Variants in ZMYND15 observed in about 807,000 individuals in gnomAD.
ZMYND15 encodes zinc finger MYND domain-containing protein 15.
Under a neutral mutation model 81.7 loss-of-function variants are expected in ZMYND15, and 54 were observed. The observed-to-expected ratio is 0.66, with a 90% CI of 0.53 to 0.83. ZMYND15 has a LOEUF of 0.83. ZMYND15 is among the 40% of genes least tolerant of loss of function. The probability of loss-of-function intolerance (pLI) is 0.00; values close to 1 mark genes in which losing one functional copy is unlikely to be tolerated. For synonymous variants in ZMYND15, 399 were observed against 387.0 expected (o/e 1.03, Z -0.36); for missense variants, 925 against 973.5 (o/e 0.95, Z 0.66).
At position 4,743,263 on chromosome 17, in the gene ZMYND15, CT is replaced by C. The variant is rs1916508156; in HGVS notation, c.1145-39del. On this transcript the variant is annotated intron_variant, in intron 5 of 13. Transcript: ENST00000433935. The surrounding 1 kb of genome is among the most constrained non-coding windows in gnomAD (Gnocchi z 4.3). The stretch of plus-strand genomic sequence containing the variant: ...CAAAAAAAAAAAAATGTCTGGGGTT[CT>C]AGCCCAGCACCTCAACTCCTCCCCT... 6.4e-7 allele frequency: 1 copy of C among 1,573,462 alleles called. No individual in the cohort carries two copies. The highest frequency in any genetic ancestry group is 8.6e-7 in the Non-Finnish European group (1 of 1,162,370).
In ZMYND15 at chr17:4,743,461, T is replaced by G. The variant is rs1227619357; in HGVS notation, c.1297+6T>G. ...CCTCAGCCTTCTTCGCGGTGGTGCG[T>G]GGGGTCTCTCCAGGCATGGGCCCCT... On this transcript the variant is annotated splice_donor_region_variant and intron_variant, in intron 6 of 13. Coordinates refer to ENST00000433935, the MANE Select transcript of ZMYND15 (RefSeq NM_001136046.3). This position sits in a 1 kb window ranked among gnomAD's most constrained non-coding sequence, Gnocchi z 4.3. 1 of 1,613,736 alleles carries G rather than the reference T, an allele frequency of 6.2e-7. No homozygotes were observed.
chr17:4,744,929 G>A lies in ZMYND15; in HGVS notation c.1896+1G>A. 6.2e-7 allele frequency: 1 copy of A among 1,614,094 alleles called. No individual in the cohort carries two copies. The highest frequency in any genetic ancestry group is 8.5e-7 in the Non-Finnish European group (1 of 1,180,000). ...GCTGAGGTCTCTGCCCCGGTTACAGGTGGGCAATGGGGGCAAAAGGGAACT... is the reference window on the plus strand; with the variant it reads ...GCTGAGGTCTCTGCCCCGGTTACAGATGGGCAATGGGGGCAAAAGGGAACT... On this transcript the variant is annotated splice_donor_variant, in intron 12 of 13. Coordinates refer to ENST00000433935, the MANE Select transcript of ZMYND15 (RefSeq NM_001136046.3). LOFTEE classifies it high-confidence loss of function. The surrounding 1 kb of genome is among the most constrained non-coding windows in gnomAD (Gnocchi z 4.1).
Position 4,740,736 on chromosome 17 carries a change from C to T in ZMYND15, c.188C>T (p.Pro63Leu), listed in dbSNP as rs1385453918. The T allele has an allele frequency of 1.2e-6, 2 of 1,609,296 alleles. No individual in the cohort carries two copies. Among genetic ancestry groups the T allele is most frequent in the African/African-American group, 1.3e-5 (1 of 74,822 alleles). ...DPALWVLHVL[P>L]NHSVGISLGQ... is the part of the protein sequence containing the mutation. ...GCCCTTTGGGTGCTCCATGTCCTGC[C>T]CAACCATAGTGTGGGCATCAGCCTG... Residue 63 changes from proline to leucine, a missense_variant, in exon 2 of 14, where the codon CCC becomes CTC. Physicochemically the swap from Pro to Leu is moderately conservative, Grantham distance 98. Transcript: ENST00000433935.
At chr17:4,741,200 C>T in intron 2 of ZMYND15, 60 bp downstream of exon 2, 1 of 1,379,860 alleles carries the variant, frequency 7.2e-7, no homozygotes, top group Non-Finnish European at 9.4e-7. Context: ...CTTCGGAAGC[C>T]CTCCCCTGCC....
chr17:4,740,024 AC>A lies in ZMYND15; in HGVS notation c.-55del. On this transcript the variant is annotated 5_prime_UTR_variant, in exon 1 of 14. Coordinates refer to ENST00000433935, the MANE Select transcript of ZMYND15 (RefSeq NM_001136046.3). ...GCGCACCCTCCACCGCGAGGTATTTACCTTCGAAAAGTGGTGGCGGCTGCAG... is the reference window on the plus strand; with the variant it reads ...GCGCACCCTCCACCGCGAGGTATTTACTTCGAAAAGTGGTGGCGGCTGCAG... The A allele has an allele frequency of 2.0e-6, 2 of 985,356 alleles. No individual in the cohort carries two copies. Among genetic ancestry groups the A allele is most frequent in the Non-Finnish European group, 2.4e-6 (2 of 829,996 alleles). 61.0% of individuals were successfully genotyped at this position (985,356 alleles called of 1,614,324 possible).
In ZMYND15 at chr17:4,745,984, G is replaced by T. The variant is rs534229425; in HGVS notation, c.2223G>T (p.Arg741=). 3 of 1,441,934 alleles carry T rather than the reference G, an allele frequency of 2.1e-6. No individual in the cohort carries two copies. Among genetic ancestry groups the T allele is most frequent in the East Asian group, 5.6e-5 (2 of 35,664 alleles). The allele number at this position is 1,441,934 out of a possible 1,614,324, so 89.3% of individuals were successfully genotyped here. Reference sequence around the variant, plus strand: ...AACCTGGGCGGGGGGCCCGCCGGCGGAAATGAATGCTGATACCCTAGTAGT... The same window carrying T: ...AACCTGGGCGGGGGGCCCGCCGGCGTAAATGAATGCTGATACCCTAGTAGT... ...EKKPGRGARR[R]K The change falls in exon 14 of 14, where the codon CGG becomes CGT. Residue 741 remains arginine (R), a synonymous_variant. Transcript: ENST00000433935. The surrounding 1 kb of genome is among the most constrained non-coding windows in gnomAD (Gnocchi z 5.2).
rs200289670 is a variant in ZMYND15, at chr17:4,744,744, C to G, written c.1803C>G (p.His601Gln). The G allele has an allele frequency of 5.2e-5, 84 of 1,614,176 alleles. No homozygotes were observed. The Admixed American group carries it at 1.4e-3, about 27-fold the overall frequency. The change falls in exon 11 of 14, where the codon CAC becomes CAG. Residue 601 changes from histidine (H) to glutamine (Q), a missense_variant. Transcript: ENST00000433935. This position sits in a 1 kb window ranked among gnomAD's most constrained non-coding sequence, Gnocchi z 4.1. ...TCAAGGTGTCAGCAAGGCCCTACCA[C>G]CTGTTCCAGGGGCCCAAGCCTGACC... The part of the protein sequence containing the change: ...LQIKVSARPY[H>Q]LFQGPKPDLV...
chr17:4,740,885 G>A lies in ZMYND15; in HGVS notation c.337G>A (p.Glu113Lys). 6.3e-7 allele frequency: 1 copy of A among 1,579,384 alleles called. No individual in the cohort carries two copies. Residue 113 changes from glutamate (E) to lysine (K), a missense_variant, in exon 2 of 14, where the codon GAG (glutamate) becomes AAG (lysine). Glu to Lys is a moderately conservative substitution (Grantham distance 56, BLOSUM62 1). Transcript: ENST00000433935. ...CAGCTTTGTCAGCCTAGAGGATGGGGAGGAAGGGGAGGAGGAAGAGGAGGA... is the reference window on the plus strand; with the variant it reads ...CAGCTTTGTCAGCCTAGAGGATGGGAAGGAAGGGGAGGAGGAAGAGGAGGA... ...YISFVSLEDG[E>K]EGEEEEEEDE...
rs1406905299 is a variant in ZMYND15 at position 4,740,065 on chromosome 17, G to A, written c.-31+15G>A. On this transcript the variant is annotated intron_variant, in intron 1 of 13. Coordinates refer to ENST00000433935, the MANE Select transcript of ZMYND15 (RefSeq NM_001136046.3). ...GGCGGCTGCAGGTACCGGAGGAGTG[G>A]GGCGGCCGGGAGGGGCTAGGTCTAC... is the stretch of plus-strand genomic sequence containing the variant. The A allele has an allele frequency of 1.0e-6, 1 of 986,136 alleles. No individual in the cohort carries two copies. The highest frequency in any genetic ancestry group is 1.7e-5 in the African/African-American group (1 of 57,382). The allele number at this position is 986,136 out of a possible 1,614,324, so 61.1% of individuals were successfully genotyped here. A position where few individuals can be genotyped will look rare whatever the true frequency, so the allele number is the denominator to read the frequency against.
rs1384228535 is a variant in ZMYND15, at chr17:4,744,972, G to C, written c.1896+44G>C. The stretch of plus-strand genomic sequence containing the variant: ...AGGGAACTTCTCTCCCCTCCTGCCT[G>C]GCCCCTCCCCATCTCCTTTTCTGAA... On this transcript the variant is annotated intron_variant, in intron 12 of 13. Coordinates refer to ENST00000433935, the MANE Select transcript of ZMYND15 (RefSeq NM_001136046.3). This position sits in a 1 kb window ranked among gnomAD's most constrained non-coding sequence, Gnocchi z 4.1. 1 of 1,610,016 alleles carries C rather than the reference G, an allele frequency of 6.2e-7. No individual in the cohort carries two copies. Among genetic ancestry groups the C allele is most frequent in the Non-Finnish European group, 8.5e-7 (1 of 1,176,608 alleles).
At position 4,744,192 on chromosome 17, in the gene ZMYND15, C is replaced by T. The variant is rs1297655665; in HGVS notation, c.1498C>T (p.Pro500Ser). Residue 500 changes from proline to serine, a missense_variant and splice_region_variant, in exon 9 of 14, where the codon CCT becomes TCT. Coordinates refer to ENST00000433935, the MANE Select transcript of ZMYND15 (RefSeq NM_001136046.3). The surrounding 1 kb of genome is among the most constrained non-coding windows in gnomAD (Gnocchi z 4.1). ...TAAAGCGCTGGTTTTTCACCCAGTC[C>T]CTGAGCTCAACATCCAAAACAAACA... ...VITHLVPQSF[P>S]ELNIQNKQSL... 1 of 1,614,012 alleles carries T rather than the reference C, an allele frequency of 6.2e-7. No homozygotes were observed. Among genetic ancestry groups the T allele is most frequent in the East Asian group, 2.2e-5 (1 of 44,866 alleles).
Position 4,744,842 on chromosome 17 carries a change from C to T in ZMYND15, c.1838-28C>T. Reference sequence around the variant, plus strand: ...GTGGGAGAGAAGCCCACCGTGGGAGCCAGCTTCTCCCTCCTCTCTGTCTGC... The same window carrying T: ...GTGGGAGAGAAGCCCACCGTGGGAGTCAGCTTCTCCCTCCTCTCTGTCTGC... On this transcript the variant is annotated intron_variant, in intron 11 of 13. Transcript: ENST00000433935. The surrounding 1 kb of genome is among the most constrained non-coding windows in gnomAD (Gnocchi z 4.1). 6.2e-7 allele frequency: 1 copy of T among 1,614,096 alleles called. No homozygotes were observed. Among genetic ancestry groups the T allele is most frequent in the African/African-American group, 1.3e-5 (1 of 75,030 alleles).
Position 4,745,735 on chromosome 17 carries a change from G to GCCCCTGAGAGCCCCGA in ZMYND15, c.2058-78_2058-77insAGAGCCCCGACCCCTG. The GCCCCTGAGAGCCCCGA allele has an allele frequency of 2.6e-6, 2 of 775,946 alleles. No individual in the cohort carries two copies. The highest frequency in any genetic ancestry group is 3.8e-6 in the Non-Finnish European group (2 of 523,572). 48.1% of individuals were successfully genotyped at this position (775,946 alleles called of 1,614,324 possible). On this transcript the variant is annotated intron_variant, in intron 13 of 13. Coordinates refer to ENST00000433935, the MANE Select transcript of ZMYND15 (RefSeq NM_001136046.3). The surrounding 1 kb of genome is among the most constrained non-coding windows in gnomAD (Gnocchi z 5.2). ...GCCCCGCCCCCTGGTCCCTGACCGC[G>GCCCCTGAGAGCCCCGA]CCCCTGGGAGCCCCGACCCCTGGGA...
Position 4,744,985 on chromosome 17 carries a change from C to G in ZMYND15, c.1896+57C>G. The stretch of plus-strand genomic sequence containing the variant: ...CCCCTCCTGCCTGGCCCCTCCCCAT[C>G]TCCTTTTCTGAAAGTCTCTGGGCTC... On this transcript the variant is annotated intron_variant, in intron 12 of 13. Transcript: ENST00000433935. This position sits in a 1 kb window ranked among gnomAD's most constrained non-coding sequence, Gnocchi z 4.1. 6.2e-7 allele frequency: 1 copy of G among 1,608,784 alleles called. No homozygotes were observed. The highest frequency in any genetic ancestry group is 8.5e-7 in the Non-Finnish European group (1 of 1,175,486).
In ZMYND15 at chr17:4,741,775, A is replaced by C; in HGVS notation, c.786A>C (p.Arg262=). Residue 262 remains arginine, a synonymous_variant, in exon 3 of 14, where the codon CGA becomes CGC. Transcript: ENST00000433935. ...MACPMGSGDP[R]KPRQLTVGDA... Reference sequence around the variant, plus strand: ...GTCCCATGGGCTCTGGGGATCCCCGAAAGCCCCGACAGCTTACTGTGGGAG... The same window carrying C: ...GTCCCATGGGCTCTGGGGATCCCCGCAAGCCCCGACAGCTTACTGTGGGAG... The C allele has an allele frequency of 6.3e-7, 1 of 1,583,056 alleles. No individual in the cohort carries two copies. Among genetic ancestry groups the C allele is most frequent in the East Asian group, 2.2e-5 (1 of 44,502 alleles).
rs773430156 is a variant in ZMYND15, at chr17:4,743,796, G to C, written c.1327G>C (p.Gly443Arg). ...CCCCTACCAGCTTCTCCAGGGAGAC[G>C]GGACTGCCCTGATGCCTCCTGTGCC... The part of the protein sequence containing the change: ...GDPYQLLQGD[G>R]TALMPPVPPH... Residue 443 changes from glycine to arginine, a missense_variant, in exon 7 of 14, where the codon GGG (glycine) becomes CGG (arginine). Gly to Arg is a moderately radical substitution (Grantham distance 125, BLOSUM62 -2). Coordinates refer to ENST00000433935, the MANE Select transcript of ZMYND15 (RefSeq NM_001136046.3). This position sits in a 1 kb window ranked among gnomAD's most constrained non-coding sequence, Gnocchi z 4.3. The C allele has an allele frequency of 6.2e-7, 1 of 1,613,986 alleles. No individual in the cohort carries two copies. Among genetic ancestry groups the C allele is most frequent in the East Asian group, 2.2e-5 (1 of 44,848 alleles).
In ZMYND15 at chr17:4,743,595, C is replaced by A; in HGVS notation, c.1297+140C>A. ...CAGGGCCATTTCAGGCCTTTCCCAG[C>A]CCTCAATGGAATCACCCCTACCAAC... On this transcript the variant is annotated intron_variant, in intron 6 of 13. Coordinates refer to ENST00000433935, the MANE Select transcript of ZMYND15 (RefSeq NM_001136046.3). The surrounding 1 kb of genome is among the most constrained non-coding windows in gnomAD (Gnocchi z 4.3). 13 of 1,366,424 alleles carry A rather than the reference C, an allele frequency of 9.5e-6. No individual in the cohort carries two copies. The highest frequency in any genetic ancestry group is 1.3e-5 in the Non-Finnish European group (13 of 1,007,208). The allele number at this position is 1,366,424 out of a possible 1,614,324, so 84.6% of individuals were successfully genotyped here.
At position 4,745,822 on chromosome 17, in the gene ZMYND15, C is replaced by G. The variant is rs1440196187; in HGVS notation, c.2061C>G (p.Tyr687Ter). 6.3e-7 allele frequency: 1 copy of G among 1,598,086 alleles called. No individual in the cohort carries two copies. Among genetic ancestry groups the G allele is most frequent in the Non-Finnish European group, 8.5e-7 (1 of 1,174,314 alleles). The change falls in exon 14 of 14, where the codon TAC becomes TAG. Residue 687 changes from tyrosine to a stop codon, truncating the protein, a stop_gained. Coordinates refer to ENST00000433935, the MANE Select transcript of ZMYND15 (RefSeq NM_001136046.3). LOFTEE classifies it high-confidence loss of function. The surrounding 1 kb of genome is among the most constrained non-coding windows in gnomAD (Gnocchi z 5.2). ...ACTGCGCCCCGCGCCCCCGCAGGTA[C>G]TGCAATGCCTTCATCTTCCACCTGG... is the stretch of plus-strand genomic sequence containing the variant. ...LRAADNCMSW[Y>*]CNAFIFHLVY...
Position 4,743,947 on chromosome 17 carries a change from G to A in ZMYND15, c.1379-44G>A, listed in dbSNP as rs776633287. 1.7e-5 allele frequency: 27 copies of A among 1,560,396 alleles called. No homozygotes were observed. Among genetic ancestry groups the A allele is most frequent in the African/African-American group, 1.1e-4 (8 of 73,576 alleles). On this transcript the variant is annotated intron_variant, in intron 7 of 13. Coordinates refer to ENST00000433935, the MANE Select transcript of ZMYND15 (RefSeq NM_001136046.3). This position sits in a 1 kb window ranked among gnomAD's most constrained non-coding sequence, Gnocchi z 4.3. ...GAAGAGGTTTGTTAGACTAGAGGGG[G>A]TGGGGGTCCAGGGCCAGGTCCTCTA... is the stretch of plus-strand genomic sequence containing the variant.
Sources: allele counts gnomAD v4.1 joint callset, GRCh38; gene constraint gnomAD v4.1.1; non-coding constraint Gnocchi (gnomAD v3.1); transcripts MANE v1.5; gene names NCBI Gene and HGNC (gene_info 2026-07-23, HGNC 2026-07-21).